The following UNC80 variants were observed in gnomAD, a reference collection of about 807,000 sequenced individuals.
UNC80 encodes unc-80 subunit of NALCN channel complex.
Under a neutral mutation model 384.6 loss-of-function variants are expected in UNC80, and 164 were observed. The observed-to-expected ratio is 0.43, with a 90% CI of 0.38 to 0.49. The LOEUF is 0.49. UNC80 is among the 20% of genes least tolerant of loss of function. The probability of loss-of-function intolerance (pLI) is 0.00; values close to 1 mark genes in which losing one functional copy is unlikely to be tolerated. For missense variants in UNC80, 3,330 were observed against 4,143.0 expected, an observed-to-expected ratio of 0.80 and a Z score of 5.39; for synonymous variants, 1,486 against 1,527.8, an observed-to-expected ratio of 0.97 and a Z score of 0.64.
intron 47 of UNC80, among the ~76,000 whole-genome samples, chr2:209,948,311 G>A (rs568472501): frequency 1.8e-4 from 28 of 152,084 alleles, no homozygotes; most frequent in Non-Finnish European, 3.4e-4. Flanking sequence ...AAATGTTCTA[G>A]TACCCTATGG....
chr2:209,847,026 T>C (rs2082218733), intron 21 of UNC80, among the ~76,000 whole-genome samples: 1 of 152,094 alleles, frequency 6.6e-6, no homozygotes, highest in African/African-American at 2.4e-5. Context: ...TATAAACATT[T>C]GGTATTTTAG....
intron 37 of UNC80, 39 bp from the exon 38 acceptor site, chr2:209,930,929 C>A: frequency 7.3e-7 from 1 of 1,373,144 alleles, no homozygotes; most frequent in Non-Finnish European, 1.0e-6. Flanking sequence ...TACAGCATGG[C>A]AGCTGAAGGA....
chr2:209,922,181 C>A (rs951260935), intron 34 of UNC80, 71 bp from the exon 35 acceptor site: 84 of 1,507,908 alleles, frequency 5.6e-5, no homozygotes, highest in Middle Eastern at 3.4e-4. Context: ...ATTTGTGATA[C>A]AACAACAATG....
intron 13 of UNC80, 116 bp downstream of exon 13, chr2:209,820,795 G>T: frequency 8.9e-7 from 1 of 1,119,870 alleles, no homozygotes; most frequent in Non-Finnish European, 1.2e-6. Context: ...GAGCAAAAAA[G>T]TGGAGAGTGG....
chr2:209,959,171 T>C lies in UNC80; in HGVS notation c.7586+17T>C, dbSNP rs1383318779. ...CTTTATCAGGTACAGAAAGACTTGC[T>C]CTAATTTCATACCAGTTCTGACATC... is the stretch of plus-strand genomic sequence containing the variant. On this transcript the variant is annotated intron_variant, in intron 50 of 64. Coordinates refer to ENST00000673920, the MANE Select transcript of UNC80 (RefSeq NM_001371986.1). The C allele has an allele frequency of 1.3e-6, 2 of 1,551,856 alleles. No individual in the cohort carries two copies. The highest frequency in any genetic ancestry group is 1.2e-5 in the South Asian group (1 of 84,054).
At chr2:209,806,466 A>G (rs1434058412) in intron 7 of UNC80, among the ~76,000 whole-genome samples, 4 of 152,222 alleles carry the variant, frequency 2.6e-5, no homozygotes, top group African/African-American at 9.7e-5. Context: ...AGCAACGTAC[A>G]CCCACATGTG....
At chr2:209,923,210 G>A (rs1016651324) in intron 35 of UNC80, among the ~76,000 whole-genome samples, 2 of 152,106 alleles carry the variant, frequency 1.3e-5, no homozygotes, top group Non-Finnish European at 2.9e-5. Context: ...GGTCCAATGT[G>A]TGTGTTTTTC....
At position 209,786,980 on chromosome 2, in the gene UNC80, CATATATATATATATATATATATATATAT is replaced by C. The variant is rs60467878; in HGVS notation, c.724+803_724+830del. 7.8e-3 allele frequency among the ~76,000 whole-genome samples: 1,059 copies of C among 135,846 alleles called. 19 individuals are homozygous for C. The highest frequency in any genetic ancestry group is 0.028 in the African/African-American group (990 of 35,408). The allele number at this position is 135,846 out of a possible 152,430, so 89.1% of individuals were successfully genotyped here. A position where few individuals can be genotyped will look rare whatever the true frequency, so the allele number is the denominator to read the frequency against. On this transcript the variant is annotated intron_variant, in intron 5 of 64. Coordinates refer to ENST00000673920, the MANE Select transcript of UNC80 (RefSeq NM_001371986.1). ...AAATTATGTGGAAAATCTACAGAAG[CATATATATATATATATATATATATATAT>C]ATATATATATACCTATATATTTTTA...
Position 209,967,499 on chromosome 2 carries a change from G to A in UNC80, c.7868G>A (p.Ser2623Asn). The A allele has an allele frequency of 6.4e-7, 1 of 1,551,596 alleles. No individual in the cohort carries two copies. The highest frequency in any genetic ancestry group is 8.7e-7 in the Non-Finnish European group (1 of 1,146,982). ...CCATATGACACTCAGACAATGGAGA[G>A]TCGTGGGCTTCGGCGCTACATCATG... is the stretch of plus-strand genomic sequence containing the variant. ...LAPYDTQTME[S>N]RGLRRYIMEM... is the part of the protein sequence containing the mutation. The change falls in exon 52 of 65, where the codon AGT becomes AAT. Residue 2623 changes from serine to asparagine, a missense_variant. Coordinates refer to ENST00000673920, the MANE Select transcript of UNC80 (RefSeq NM_001371986.1).
intron 7 of UNC80, 84 bp from the exon 8 acceptor site, chr2:209,813,496 A>G: frequency 7.3e-7 from 1 of 1,375,096 alleles, no homozygotes; most frequent in Non-Finnish European, 9.7e-7. Context: ...AACAAATGAG[A>G]AAAGTAGAGC....
intron 31 of UNC80, among the ~76,000 whole-genome samples, chr2:209,915,391 T>G (rs2124944959): frequency 1.7e-5 from 2 of 120,804 alleles, no homozygotes; most frequent in Admixed American, 1.0e-4. Context: ...GGCGACAGAG[T>G]GAGACTCTGT....
chr2:209,945,164 A>T lies in UNC80; in HGVS notation c.7164A>T (p.Lys2388Asn). ...TATTAGACATCTTAGAGCTGGTCAA[A>T]GCTGAGAAGCCTCTCAAGTCATTAG... is the stretch of plus-strand genomic sequence containing the variant. ...TDILDILELVKAEKPLKSLDF... is the reference protein window; with the variant it reads ...TDILDILELVNAEKPLKSLDF... The change falls in exon 46 of 65, where the codon AAA becomes AAT. Residue 2388 changes from lysine (K) to asparagine (N), a missense_variant. By Grantham distance (94) the Lys-to-Asn change is moderately conservative (BLOSUM62 0). Transcript: ENST00000673920. 6.4e-7 allele frequency: 1 copy of T among 1,551,196 alleles called. No homozygotes were observed. Among genetic ancestry groups the T allele is most frequent in the Non-Finnish European group, 8.7e-7 (1 of 1,146,772 alleles).
chr2:209,922,056 A>G (rs1160183866), intron 34 of UNC80, among the ~76,000 whole-genome samples, 196 bp from the exon 35 acceptor site: 2 of 152,212 alleles, frequency 1.3e-5, no homozygotes, highest in African/African-American at 4.8e-5. Context: ...CTGCTTTTGT[A>G]AAAACTTCGG....
chr2:209,902,195 C>T (rs1416389445), intron 28 of UNC80, among the ~76,000 whole-genome samples: 2 of 152,080 alleles, frequency 1.3e-5, no homozygotes, highest in African/African-American at 4.8e-5. Flanking sequence ...TAAGGTGGAA[C>T]TAGCAAGAGA....
intron 14 of UNC80, 73 bp from the exon 15 acceptor site, chr2:209,829,159 C>A: frequency 6.6e-7 from 1 of 1,514,500 alleles, no homozygotes; most frequent in Non-Finnish European, 8.9e-7. Flanking sequence ...CTGAAGGCTT[C>A]TGTCTCAGAC....
At chr2:209,827,210 G>C in intron 14 of UNC80, among the ~76,000 whole-genome samples, 1 of 152,146 alleles carries the variant, frequency 6.6e-6, no homozygotes, top group African/African-American at 2.4e-5. Flanking sequence ...TTGCACATGT[G>C]TATATGATTT....
At chr2:209,969,613 T>C in intron 52 of UNC80, 155 bp from the exon 53 acceptor site, 1 of 1,014,974 alleles carries the variant, frequency 9.9e-7, no homozygotes, top group South Asian at 1.9e-5. Flanking sequence ...CTTCTTCCCC[T>C]CCCAGTATGC....
chr2:209,811,009 C>T (rs947944351), intron 7 of UNC80, among the ~76,000 whole-genome samples: 1 of 151,900 alleles, frequency 6.6e-6, no homozygotes, highest in Non-Finnish European at 1.5e-5. Context: ...GGGTTGCGTG[C>T]GTCATTCATC....
Position 209,849,531 on chromosome 2 carries a change from C to G in UNC80, c.3535C>G (p.Arg1179Gly). The G allele has an allele frequency of 6.4e-7, 1 of 1,550,910 alleles. No homozygotes were observed. The highest frequency in any genetic ancestry group is 8.7e-7 in the Non-Finnish European group (1 of 1,146,526). The change falls in exon 22 of 65, where the codon CGA (arginine) becomes GGA (glycine). Residue 1179 changes from arginine (R) to glycine (G), a missense_variant. Around this residue, in one of 8 missense-constraint regions of UNC80, gnomAD observed 801 missense variants for 950.8 expected, o/e 0.84. Coordinates refer to ENST00000673920, the MANE Select transcript of UNC80 (RefSeq NM_001371986.1). ...SKNVVNLGAI[R>G]QGMKRFQFLL... The stretch of plus-strand genomic sequence containing the variant: ...AAACGTGGTGAATCTTGGAGCAATC[C>G]GACAAGGCATGAAACGCTTCCAATT...
Sources: gnomAD v4.1 joint callset for allele counts (sites outside exome capture counted in the v4.1 genomes callset) on GRCh38, gnomAD v4.1.1 for gene constraint, gnomAD v4.1.1 regional missense constraint, MANE v1.5 for transcripts, NCBI Gene and HGNC (gene_info 2026-07-23, HGNC 2026-07-21) for gene names.